VAV3: variants seen among roughly 807,000 people sequenced by gnomAD.
VAV3 encodes guanine nucleotide exchange factor VAV3.
A neutral mutation model predicts 131.2 loss-of-function variants in VAV3; 94 were observed. That is an observed-to-expected ratio of 0.72 (90% CI 0.61 to 0.85). The LOEUF (loss-of-function observed/expected upper bound fraction) is 0.85. VAV3 is among the 40% of genes least tolerant of loss of function. The pLI, the probability that VAV3 is intolerant of heterozygous loss-of-function variation, is 0.00. For synonymous variants in VAV3, 349 were observed against 342.0 expected, an observed-to-expected ratio of 1.02 and a Z score of -0.22; for missense variants, 939 against 1,002.7, an observed-to-expected ratio of 0.94 and a Z score of 0.86.
chr1:107,906,492 G>A (rs1234716246), intron 1 of VAV3, among the ~76,000 whole-genome samples: 3 of 151,904 alleles, frequency 2.0e-5, no homozygotes, highest in African/African-American at 4.8e-5. Context: ...GTGAAACCCC[G>A]TCTCTACTAA....
chr1:107,960,076 G>C (rs1024440849), intron 1 of VAV3, among the ~76,000 whole-genome samples: 2 of 152,132 alleles, frequency 1.3e-5, no homozygotes, highest in African/African-American at 2.4e-5. Flanking sequence ...GGTAAAAGCC[G>C]CCATCATCTC....
chr1:107,882,632 C>A (rs1670838704), intron 1 of VAV3, among the ~76,000 whole-genome samples: 1 of 152,042 alleles, frequency 6.6e-6, no homozygotes, highest in South Asian at 2.1e-4. Context: ...TTCACCATAT[C>A]TTCTCTATAT....
chr1:107,663,944 GA>G (rs1258398942), intron 19 of VAV3, among the ~76,000 whole-genome samples: 1 of 151,582 alleles, frequency 6.6e-6, no homozygotes, highest in African/African-American at 2.4e-5. Context: ...CTTATGATAT[GA>G]AAAAAATTAA....
intron 11 of VAV3, among the ~76,000 whole-genome samples, chr1:107,756,833 G>C (rs1664127588): frequency 6.6e-6 from 1 of 151,956 alleles, no homozygotes. Flanking sequence ...GTTACATGGG[G>C]TTCTGAAGCC....
rs1649264191 is a variant in VAV3 at position 107,571,604 on chromosome 1, G to A, written c.*1727C>T. 6.6e-6 allele frequency: 1 copy of A among 152,592 alleles called. No homozygotes were observed. The highest frequency in any genetic ancestry group is 1.5e-5 in the Non-Finnish European group (1 of 68,044). 9.5% of individuals were successfully genotyped at this position (152,592 alleles called of 1,614,324 possible). ...AAAACATTCCCGAGACAGAGTCGCA[G>A]ATAAGACTTTACAGGAAAGAATCCA... is the stretch of plus-strand genomic sequence containing the variant. On this transcript the variant is annotated 3_prime_UTR_variant, in exon 27 of 27. Transcript: ENST00000370056.
chr1:107,821,643 G>A (rs1667797410), intron 2 of VAV3, among the ~76,000 whole-genome samples: 1 of 152,202 alleles, frequency 6.6e-6, no homozygotes, highest in African/African-American at 2.4e-5. Flanking sequence ...GAGGAGGTTG[G>A]AGGGGCCAGG....
chr1:107,880,094 C>T (rs930856445), intron 1 of VAV3, among the ~76,000 whole-genome samples: 2 of 152,192 alleles, frequency 1.3e-5, no homozygotes, highest in Non-Finnish European at 2.9e-5. Flanking sequence ...TGAGACAGAA[C>T]ATACAGACAA....
intron 25 of VAV3, among the ~76,000 whole-genome samples, chr1:107,575,568 C>T (rs1031466540): frequency 6.6e-6 from 1 of 152,148 alleles, no homozygotes; most frequent in Non-Finnish European, 1.5e-5. Context: ...ACTTTAATAG[C>T]TTTCTCACTG....
chr1:107,929,684 C>T (rs1673328220), intron 1 of VAV3, among the ~76,000 whole-genome samples: 1 of 151,892 alleles, frequency 6.6e-6, no homozygotes, highest in African/African-American at 2.4e-5. Flanking sequence ...AGTGGAGGGA[C>T]GAAGTTAAAA....
intron 20 of VAV3, among the ~76,000 whole-genome samples, chr1:107,622,126 G>T (rs1199027760): frequency 6.6e-6 from 1 of 152,108 alleles, no homozygotes; most frequent in South Asian, 2.1e-4. Context: ...TGTAGAAAAT[G>T]TATCAAACTA....
chr1:107,807,055 TC>T (rs1294093949), intron 2 of VAV3, among the ~76,000 whole-genome samples: 1 of 152,194 alleles, frequency 6.6e-6, no homozygotes, highest in Non-Finnish European at 1.5e-5. Context: ...CCTCATGTTT[TC>T]CATCTCTGGT....
intron 2 of VAV3, among the ~76,000 whole-genome samples, chr1:107,793,970 T>C (rs1557851295): frequency 6.6e-6 from 1 of 152,256 alleles, no homozygotes; most frequent in African/African-American, 2.4e-5. Context: ...GACGCAGATC[T>C]AGCTTGAGCA....
intron 2 of VAV3, among the ~76,000 whole-genome samples, chr1:107,869,416 AAAT>A (rs1224401629): frequency 6.6e-6 from 1 of 152,180 alleles, no homozygotes; most frequent in East Asian, 1.9e-4. Flanking sequence ...CAATCATTAA[AAAT>A]AATAATAGTG....
intron 2 of VAV3, among the ~76,000 whole-genome samples, chr1:107,817,233 G>A (rs922241298): frequency 6.6e-6 from 1 of 152,118 alleles, no homozygotes; most frequent in Admixed American, 6.5e-5. Flanking sequence ...TCCTAAAGAT[G>A]GTACTGGGGA....
chr1:107,645,319 GTA>G (rs1655656714), intron 19 of VAV3, among the ~76,000 whole-genome samples: 1 of 28,788 alleles, frequency 3.5e-5, no homozygotes, highest in African/African-American at 9.1e-5. Context: ...ATAATGGAAT[GTA>G]TTTTTTTTTT....
At chr1:107,933,373 C>T (rs1358806770) in intron 1 of VAV3, among the ~76,000 whole-genome samples, 1 of 151,758 alleles carries the variant, frequency 6.6e-6, no homozygotes, top group Non-Finnish European at 1.5e-5. Context: ...ATCTTAGACT[C>T]ATTGCTCTTG....
At chr1:107,640,652 C>T (rs1655275063) in intron 20 of VAV3, among the ~76,000 whole-genome samples, 1 of 152,168 alleles carries the variant, frequency 6.6e-6, no homozygotes, top group African/African-American at 2.4e-5. Flanking sequence ...AGTTTACCAT[C>T]CATCTCAAAG....
intron 2 of VAV3, among the ~76,000 whole-genome samples, chr1:107,796,939 A>G (rs1300176927): frequency 7.5e-6 from 1 of 134,040 alleles, no homozygotes; most frequent in African/African-American, 2.7e-5. Context: ...GTTTAATTCA[A>G]TCAAGTTTGT....
rs966243510 is a variant in VAV3 at position 107,766,958 on chromosome 1, C to A, written c.718-408G>T. ...CTAGTTATTAAAGGATAATTTATTC[C>A]TTGTGTAAAAATATGTATAGCTTAT... On this transcript the variant is annotated intron_variant, in intron 7 of 26. Coordinates refer to ENST00000370056, the MANE Select transcript of VAV3 (RefSeq NM_006113.5). 3.3e-5 allele frequency among the ~76,000 whole-genome samples: 5 copies of A among 152,178 alleles called. No individual in the cohort carries two copies. The South Asian group carries it at 8.3e-4, about 25-fold the overall frequency.
Sources: gnomAD v4.1 joint callset for allele counts (sites outside exome capture counted in the v4.1 genomes callset) on GRCh38, gnomAD v4.1.1 for gene constraint, MANE v1.5 for transcripts, NCBI Gene and HGNC (gene_info 2026-07-23, HGNC 2026-07-21) for gene names.